GSR: variants seen among roughly 807,000 people sequenced by gnomAD.
The protein encoded by GSR is glutathione-disulfide reductase.
A neutral mutation model predicts 56.5 loss-of-function variants in GSR; 48 were observed. That is an observed-to-expected ratio of 0.85 (90% CI 0.67 to 1.08). The LOEUF (loss-of-function observed/expected upper bound fraction) is 1.08. Ranked by LOEUF, GSR falls within the 50% of genes least tolerant of loss-of-function variation. The pLI is 0.00. For missense variants in GSR, 694 were observed against 703.3 expected, an observed-to-expected ratio of 0.99 and a Z score of 0.15; for synonymous variants, 264 against 270.8, an observed-to-expected ratio of 0.97 and a Z score of 0.25.
At chr8:30,721,638 G>C (rs904915752) in intron 1 of GSR, among the ~76,000 whole-genome samples, 24 of 142,432 alleles carry the variant, frequency 1.7e-4, no homozygotes, top group African/African-American at 5.7e-4. Flanking sequence ...GGGTGACAGA[G>C]TGAGACTTCG....
At chr8:30,701,696 G>C (rs1313722483) in intron 5 of GSR, among the ~76,000 whole-genome samples, 1 of 150,346 alleles carries the variant, frequency 6.7e-6, no homozygotes, top group Non-Finnish European at 1.5e-5. Flanking sequence ...AGGAGGCTGA[G>C]GCAGGAGAAT....
chr8:30,708,065 T>C lies in GSR; in HGVS notation c.492+7A>G. 2 of 1,606,204 alleles carry C rather than the reference T, an allele frequency of 1.2e-6. No homozygotes were observed. The highest frequency in any genetic ancestry group is 1.7e-6 in the Non-Finnish European group (2 of 1,172,804). On this transcript the variant is annotated splice_region_variant and intron_variant, in intron 4 of 12. Transcript: ENST00000221130. The stretch of plus-strand genomic sequence containing the variant: ...CTTTCTCAAAGTTAAAAACCCAGCA[T>C]ACACACCTTGGTGAGATTGTTTTGA...
intron 2 of GSR, among the ~76,000 whole-genome samples, chr8:30,710,562 C>CA (rs999923556): frequency 2.7e-5 from 4 of 148,450 alleles, no homozygotes; most frequent in East Asian, 2.0e-4. Flanking sequence ...AATAAAAATA[C>CA]AAAAAAAATT....
intron 1 of GSR, among the ~76,000 whole-genome samples, chr8:30,713,830 T>G (rs568222984): frequency 6.6e-6 from 1 of 152,206 alleles, no homozygotes; most frequent in African/African-American, 2.4e-5. Flanking sequence ...TAGTCACATA[T>G]TATGCTCCCG....
chr8:30,712,009 G>C (rs891169085), intron 2 of GSR, 53 bp downstream of exon 2: 31 of 985,688 alleles, frequency 3.1e-5, no homozygotes, highest in Non-Finnish European at 4.8e-5. Context: ...TTTTGATTAT[G>C]ATTTACCAAA....
chr8:30,695,110 A>G (rs1275458881), intron 7 of GSR, among the ~76,000 whole-genome samples: 1 of 152,046 alleles, frequency 6.6e-6, no homozygotes, highest in Non-Finnish European at 1.5e-5. Flanking sequence ...GATTCCCTTT[A>G]ATGTAAGCTC....
intron 6 of GSR, among the ~76,000 whole-genome samples, chr8:30,698,907 G>GCATC (rs930072126): frequency 1.3e-5 from 2 of 152,164 alleles, no homozygotes; most frequent in Admixed American, 6.6e-5. Context: ...AGTGACAGGA[G>GCATC]CATCCCTCTA....
At chr8:30,683,632 C>T (rs1028522662) in intron 10 of GSR, among the ~76,000 whole-genome samples, 2 of 151,870 alleles carry the variant, frequency 1.3e-5, no homozygotes, top group Admixed American at 1.3e-4. Flanking sequence ...ACAAAAAATG[C>T]ACCTGTGATC....
intron 3 of GSR, 149 bp downstream of exon 3, chr8:30,709,665 A>G (rs1235220873): frequency 2.9e-6 from 2 of 693,764 alleles, no homozygotes; most frequent in Admixed American, 2.1e-5. Flanking sequence ...ATGGCACTCA[A>G]TTGTATACTT....
At position 30,689,260 on chromosome 8, in the gene GSR, G is replaced by A. The variant is rs375224844; in HGVS notation, c.942C>T (p.Pro314=). 112 of 1,613,560 alleles carry A rather than the reference G, an allele frequency of 6.9e-5. No individual in the cohort carries two copies. The highest frequency in any genetic ancestry group is 1.3e-4 in the Admixed American group (8 of 59,984). ...TCATGGTCATGACTGGTAGCCTACC[G>A]GGAACTGCAGTAACCATGCTGACTT... ...GLEVSMVTAV[P]GRLPVMTMIP... The change falls in exon 9 of 13, where the codon CCC becomes CCT. Residue 314 remains proline (P), a synonymous_variant. Coordinates refer to ENST00000221130, the MANE Select transcript of GSR (RefSeq NM_000637.5).
chr8:30,689,351 TG>T, intron 8 of GSR, 32 bp from the exon 9 acceptor site: 1 of 1,596,656 alleles, frequency 6.3e-7, no homozygotes. Context: ...TACACATGTG[TG>T]GAGGCTCAGG....
intron 9 of GSR, among the ~76,000 whole-genome samples, chr8:30,685,985 CAAAAAAAAAAAAAA>C (rs71206274): frequency 5.4e-5 from 2 of 37,238 alleles, no homozygotes; most frequent in East Asian, 1.2e-3. Context: ...GACTCTGCCT[CAAAAAAAAAAAAAA>C]AAAAAAAAAA....
chr8:30,684,238 AC>A (rs755121192), intron 9 of GSR, 39 bp from the exon 10 acceptor site: 1 of 1,138,238 alleles, frequency 8.8e-7, no homozygotes, highest in South Asian at 1.2e-5. Context: ...CACTTGGCCC[AC>A]CTACTAAAAA....
intron 3 of GSR, among the ~76,000 whole-genome samples, chr8:30,709,016 T>C (rs571968457): frequency 3.4e-5 from 5 of 146,000 alleles, no homozygotes; most frequent in African/African-American, 1.3e-4. Context: ...AATGAATGGA[T>C]AAACAAAATG....
chr8:30,709,341 G>A (rs1804027492), intron 3 of GSR, among the ~76,000 whole-genome samples: 2 of 152,192 alleles, frequency 1.3e-5, no homozygotes, highest in African/African-American at 4.8e-5. Flanking sequence ...CTCCAGCGTG[G>A]ACAACAGAGC....
At chr8:30,722,731 C>CAAAAAAA (rs200083922) in intron 1 of GSR, among the ~76,000 whole-genome samples, 1 of 112,728 alleles carries the variant, frequency 8.9e-6, no homozygotes. Flanking sequence ...GACCCTGTCT[C>CAAAAAAA]AAAAAAAAAA....
At chr8:30,717,958 A>C (rs1484553238) in intron 1 of GSR, among the ~76,000 whole-genome samples, 1 of 151,536 alleles carries the variant, frequency 6.6e-6, no homozygotes, top group Non-Finnish European at 1.5e-5. Context: ...AAAATTAGCC[A>C]GGTGTGGTGG....
chr8:30,687,280 C>T (rs948792458), intron 9 of GSR, among the ~76,000 whole-genome samples: 1 of 151,992 alleles, frequency 6.6e-6, no homozygotes, highest in Admixed American at 6.6e-5. Flanking sequence ...AAAAGGAATC[C>T]ACATTACAAC....
rs780167131 is a variant in GSR at position 30,679,534 on chromosome 8, C to A, written c.1555G>T (p.Val519Phe). 2 of 1,614,116 alleles carry A rather than the reference C, an allele frequency of 1.2e-6. No homozygotes were observed. Among genetic ancestry groups the A allele is most frequent in the Non-Finnish European group, 1.7e-6 (2 of 1,180,014 alleles). The change falls in exon 13 of 13, where the codon GTC becomes TTC. Residue 519 changes from valine to phenylalanine, a missense_variant. Transcript: ENST00000221130. The part of the protein sequence containing the change: ...AIHPTSSEEL[V>F]TLR The stretch of plus-strand genomic sequence containing the variant: ...TCTCCTGGTTCTCAACGAAGTGTGA[C>A]CAGCTCTTCTGAAGAGGTAGGGTGA...
Sources: allele counts gnomAD v4.1 joint callset (sites outside exome capture counted in the v4.1 genomes callset), GRCh38; gene constraint gnomAD v4.1.1; transcripts MANE v1.5; gene names NCBI Gene and HGNC (gene_info 2026-07-23, HGNC 2026-07-21).